ILDR1: variants seen among roughly 807,000 people sequenced by gnomAD.
ILDR1 encodes the protein immunoglobulin-like domain-containing receptor 1.
Under a neutral mutation model 62.4 loss-of-function variants are expected in ILDR1, and 56 were observed. The observed-to-expected ratio is 0.90, with a 90% confidence interval of 0.72 to 1.12. The LOEUF (loss-of-function observed/expected upper bound fraction) is 1.12. ILDR1 is among the 50% of genes most tolerant of loss of function. The probability of loss-of-function intolerance (pLI) is 0.00; values close to 1 mark genes in which losing one functional copy is unlikely to be tolerated. For synonymous variants in ILDR1, 284 were observed against 277.8 expected (o/e 1.02, Z -0.22); for missense variants, 736 against 710.6 (o/e 1.04, Z -0.41).
chr3:121,992,182 G>A (rs987677677), intron 7 of ILDR1, among the ~76,000 whole-genome samples: 1 of 152,088 alleles, frequency 6.6e-6, no homozygotes, highest in African/African-American at 2.4e-5. Context: ...TGTCACCCAG[G>A]CTGGAGTGCA....
At chr3:122,061,550 A>G in the ILDR1 span, among the ~76,000 whole-genome samples, 1 of 152,224 alleles carries the variant, frequency 6.6e-6, no homozygotes, top group Non-Finnish European at 1.5e-5. Flanking sequence ...TGGGCAAAAG[A>G]TATAAAAAGA....
chr3:122,005,504 A>T, intron 2 of ILDR1, 111 bp from the exon 3 acceptor site: 1 of 1,146,778 alleles, frequency 8.7e-7, no homozygotes, highest in East Asian at 2.4e-5. Flanking sequence ...AATTTTTCCC[A>T]AGACTATTCA....
chr3:122,036,013 T>A, the ILDR1 span, among the ~76,000 whole-genome samples: 3 of 152,284 alleles, frequency 2.0e-5, no homozygotes, highest in East Asian at 5.8e-4. Context: ...GATAGTGACA[T>A]GAACAATGAA....
chr3:122,061,098 CAAGTAAA>C, the ILDR1 span, among the ~76,000 whole-genome samples: 4 of 152,148 alleles, frequency 2.6e-5, no homozygotes, highest in East Asian at 7.7e-4. Context: ...ACTAAAACAT[CAAGTAAA>C]AATAAAAGGA....
the ILDR1 span, among the ~76,000 whole-genome samples, chr3:122,029,501 G>A: frequency 2.2e-4 from 21 of 96,548 alleles, no homozygotes; most frequent in Middle Eastern, 5.6e-3. Context: ...GTGACACTCC[G>A]TCTAAAAAAA....
intron 1 of ILDR1, among the ~76,000 whole-genome samples, chr3:122,016,721 G>A (rs565429569): frequency 5.1e-4 from 77 of 152,284 alleles, no homozygotes; most frequent in Middle Eastern, 3.4e-3. Flanking sequence ...GAGCTTCTTT[G>A]GATGGAAGAT....
chr3:121,994,409 A>T, intron 5 of ILDR1, 96 bp from the exon 6 acceptor site: 3 of 1,362,216 alleles, frequency 2.2e-6, no homozygotes, highest in Non-Finnish European at 2.9e-6. Flanking sequence ...GCAAGAGGCC[A>T]GCTTCTCTTG....
At position 121,993,817 on chromosome 3, in the gene ILDR1, C is replaced by G. The variant is rs143846540; in HGVS notation, c.932G>C (p.Gly311Ala). 1 of 1,613,968 alleles carries G rather than the reference C, an allele frequency of 6.2e-7. No homozygotes were observed. Among genetic ancestry groups the G allele is most frequent in the Non-Finnish European group, 8.5e-7 (1 of 1,180,026 alleles). ...GGAGGACAGCATGCTGCAGGGATGG[C>G]CAAATCTGCCTTTGAGGTCAGGGGG... is the stretch of plus-strand genomic sequence containing the variant. ...PLPPDLKGRF[G>A]HPCSMLSSLG... The change falls in exon 7 of 8, where the codon GGC becomes GCC. Residue 311 changes from glycine (G) to alanine (A), a missense_variant. Physicochemically the swap from Gly to Ala is moderately conservative, Grantham distance 60. Transcript: ENST00000344209.
chr3:122,018,480 G>A (rs888715592), intron 1 of ILDR1, among the ~76,000 whole-genome samples: 1 of 152,052 alleles, frequency 6.6e-6, no homozygotes, highest in African/African-American at 2.4e-5. Context: ...ACTATGGCAC[G>A]TGTATACCTA....
At chr3:121,995,790 A>G (rs1358951039) in intron 5 of ILDR1, among the ~76,000 whole-genome samples, 1 of 152,180 alleles carries the variant, frequency 6.6e-6, no homozygotes, top group Non-Finnish European at 1.5e-5. Context: ...TACTTTACAT[A>G]AGCTAACTAG....
At chr3:121,996,126 A>G (rs1333373980) in intron 5 of ILDR1, among the ~76,000 whole-genome samples, 3 of 151,900 alleles carry the variant, frequency 2.0e-5, no homozygotes, top group Non-Finnish European at 2.9e-5. Context: ...AACCCTACCC[A>G]CTGTACCCCT....
the ILDR1 span, among the ~76,000 whole-genome samples, chr3:122,034,629 G>A: frequency 0.011 from 1,638 of 149,298 alleles, 72 homozygotes; most frequent in Admixed American, 0.072. Flanking sequence ...ACACTTTCTC[G>A]CAGGTTTTTT....
Position 121,988,076 on chromosome 3 carries a change from C to A in ILDR1, c.*291G>T, listed in dbSNP as rs1299736060. The A allele has an allele frequency of 3.7e-5, 16 of 435,410 alleles. No individual in the cohort carries two copies. Among genetic ancestry groups the A allele is most frequent in the Non-Finnish European group, 6.1e-5 (14 of 228,394 alleles). The allele number at this position is 435,410 out of a possible 1,614,324, so 27.0% of individuals were successfully genotyped here. ...TACAAGTGCATGCCACCACACCTAACTAATTTTTATATTTTTTGTAGAGAC... is the reference window on the plus strand; with the variant it reads ...TACAAGTGCATGCCACCACACCTAAATAATTTTTATATTTTTTGTAGAGAC... On this transcript the variant is annotated 3_prime_UTR_variant, in exon 8 of 8. Coordinates refer to ENST00000344209, the MANE Select transcript of ILDR1 (RefSeq NM_001199799.2).
At chr3:122,049,569 T>C in the ILDR1 span, among the ~76,000 whole-genome samples, 4 of 152,240 alleles carry the variant, frequency 2.6e-5, no homozygotes, top group Non-Finnish European at 5.9e-5. Flanking sequence ...TGTTGGTGCA[T>C]ATAAATTTAT....
chr3:122,022,112 C>T lies in ILDR1; in HGVS notation c.-35G>A. On this transcript the variant is annotated 5_prime_UTR_variant, in exon 1 of 8. Coordinates refer to ENST00000344209, the MANE Select transcript of ILDR1 (RefSeq NM_001199799.2). ...TTTCTGGCCCTTTTCAGCTCAGGGG[C>T]TTCGGGGCACTGCGTCTTTCTTCCT... 1 of 1,557,712 alleles carries T rather than the reference C, an allele frequency of 6.4e-7. No individual in the cohort carries two copies. The highest frequency in any genetic ancestry group is 8.7e-7 in the Non-Finnish European group (1 of 1,143,748).
the ILDR1 span, among the ~76,000 whole-genome samples, chr3:122,052,441 TC>T: frequency 5.9e-5 from 9 of 152,138 alleles, no homozygotes; most frequent in South Asian, 2.1e-4. Flanking sequence ...CAGCAATATA[TC>T]ACCCAGTATT....
intron 5 of ILDR1, among the ~76,000 whole-genome samples, chr3:121,997,352 AG>A (rs1402584077): frequency 6.6e-6 from 1 of 152,202 alleles, no homozygotes; most frequent in African/African-American, 2.4e-5. Flanking sequence ...TTTTAGCTTT[AG>A]GAAACTACCA....
intron 1 of ILDR1, among the ~76,000 whole-genome samples, chr3:122,007,918 G>A (rs1221858937): frequency 6.6e-6 from 1 of 152,064 alleles, no homozygotes; most frequent in African/African-American, 2.4e-5. Context: ...TTTCCTAAGT[G>A]CGCCAACCTA....
chr3:122,050,342 A>G, the ILDR1 span, among the ~76,000 whole-genome samples: 3 of 152,170 alleles, frequency 2.0e-5, no homozygotes, highest in Admixed American at 2.0e-4. Flanking sequence ...TGCTCTTTTT[A>G]TCTCTTGCTA....
Sources: allele counts gnomAD v4.1 joint callset (sites outside exome capture counted in the v4.1 genomes callset), GRCh38; gene constraint gnomAD v4.1.1; transcripts MANE v1.5; gene names NCBI Gene and HGNC (gene_info 2026-07-23, HGNC 2026-07-21).